KCNC2: variants seen among roughly 807,000 people sequenced by gnomAD.
KCNC2 encodes the protein potassium voltage-gated channel subfamily C member 2, also known as voltage-gated potassium channel KCNC2.
KCNC2 carries 21 observed loss-of-function variants against 44.5 expected under a neutral mutation model. The observed-to-expected ratio is 0.47, with a 90% CI of 0.33 to 0.68. The LOEUF (loss-of-function observed/expected upper bound fraction) is 0.68. Ranked by LOEUF, KCNC2 falls within the 30% of genes least tolerant of loss-of-function variation. KCNC2 has a pLI of 0.01. For missense variants in KCNC2, 589 were observed against 826.2 expected (o/e 0.71, Z 3.52); for synonymous variants, 391 against 339.1 (o/e 1.15, Z -1.68).
intron 4 of KCNC2, among the ~76,000 whole-genome samples, chr12:75,045,418 A>G (rs1444829066): frequency 2.0e-5 from 3 of 151,992 alleles, no homozygotes; most frequent in Non-Finnish European, 4.4e-5. Flanking sequence ...TGCCTATTTG[A>G]AAAGGCTTCC....
chr12:75,133,449 TG>T (rs759564933), intron 2 of KCNC2, among the ~76,000 whole-genome samples: 5 of 148,140 alleles, frequency 3.4e-5, no homozygotes, highest in Non-Finnish European at 6.0e-5. Context: ...ACTACAGAAC[TG>T]AAAAAAAAAA....
At chr12:75,126,356 A>G (rs1888424587) in intron 2 of KCNC2, among the ~76,000 whole-genome samples, 2 of 152,234 alleles carry the variant, frequency 1.3e-5, no homozygotes. Context: ...ATTCACGCAC[A>G]TATTTACTCA....
At chr12:75,055,607 T>A (rs1881656479) in intron 2 of KCNC2, among the ~76,000 whole-genome samples, 1 of 152,114 alleles carries the variant, frequency 6.6e-6, no homozygotes, top group Non-Finnish European at 1.5e-5. Flanking sequence ...ATCTGATGCA[T>A]CATCCCAGGT....
chr12:75,189,116 T>C (rs1352860095), intron 2 of KCNC2, among the ~76,000 whole-genome samples: 1 of 152,212 alleles, frequency 6.6e-6, no homozygotes, highest in East Asian at 1.9e-4. Flanking sequence ...TGAAAGTTAG[T>C]TGGTGCAGGC....
rs374648708 is a variant in KCNC2 at position 75,106,720 on chromosome 12, G to A, written c.688-55403C>T. On this transcript the variant is annotated intron_variant, in intron 2 of 4. Transcript: ENST00000549446. ...TTATTAATAGAGCATCAATTCTGTA[G>A]CAAGCATAAAGCCAGGGCTATTAAT... Among the ~76,000 whole-genome samples, 6 of 152,254 alleles carry A rather than the reference G, an allele frequency of 3.9e-5. No homozygotes were observed. In the East Asian group the frequency reaches 7.7e-4, roughly 20 times the overall value.
chr12:75,198,257 T>C (rs2030945722), intron 2 of KCNC2, among the ~76,000 whole-genome samples: 1 of 151,908 alleles, frequency 6.6e-6, no homozygotes. Flanking sequence ...ACACAAATGA[T>C]ACAAATATGA....
chr12:75,180,306 A>G (rs563125379), intron 2 of KCNC2, among the ~76,000 whole-genome samples: 1 of 151,906 alleles, frequency 6.6e-6, no homozygotes, highest in South Asian at 2.1e-4. Flanking sequence ...TAAGACCTCA[A>G]AAATGTTTGT....
chr12:75,042,360 C>A lies in KCNC2; in HGVS notation c.*745G>T. The stretch of plus-strand genomic sequence containing the variant: ...GCTTGCGTGTAACCAGTAATGACAA[C>A]CTCTTTGCAGTTATCTGTGTGCAAA... On this transcript the variant is annotated 3_prime_UTR_variant, in exon 5 of 5. Transcript: ENST00000549446. The A allele has an allele frequency of 6.2e-7, 1 of 1,612,032 alleles. No homozygotes were observed. Among genetic ancestry groups the A allele is most frequent in the Non-Finnish European group, 8.5e-7 (1 of 1,178,722 alleles).
intron 2 of KCNC2, among the ~76,000 whole-genome samples, chr12:75,197,641 A>G (rs2030889248): frequency 6.6e-6 from 1 of 152,036 alleles, no homozygotes; most frequent in African/African-American, 2.4e-5. Context: ...CCAACAGTTG[A>G]AATTCAATAG....
chr12:75,154,088 T>C (rs1468180680), intron 2 of KCNC2, among the ~76,000 whole-genome samples: 1 of 152,060 alleles, frequency 6.6e-6, no homozygotes, highest in Non-Finnish European at 1.5e-5. Context: ...ATATATCTCC[T>C]AATAAAATTT....
intron 2 of KCNC2, among the ~76,000 whole-genome samples, chr12:75,187,233 C>G (rs1305428749): frequency 6.6e-6 from 1 of 152,158 alleles, no homozygotes; most frequent in Non-Finnish European, 1.5e-5. Context: ...GTGTGTGACT[C>G]AGTACCCAAA....
chr12:75,040,828 G>C lies in KCNC2; in HGVS notation c.*2277C>G. The C allele has an allele frequency of 2.4e-6, 1 of 408,608 alleles. No homozygotes were observed. Among genetic ancestry groups the C allele is most frequent in the Non-Finnish European group, 4.5e-6 (1 of 222,024 alleles). The allele number at this position is 408,608 out of a possible 1,614,324, so 25.3% of individuals were successfully genotyped here. A position where few individuals can be genotyped will look rare whatever the true frequency, so the allele number is the denominator to read the frequency against. ...TAATTCACAGCACAACCTAATGTGG[G>C]CCCATGAAGAGTAATTCAAAGAAGT... is the stretch of plus-strand genomic sequence containing the variant. On this transcript the variant is annotated 3_prime_UTR_variant, in exon 5 of 5. Coordinates refer to ENST00000549446, the MANE Select transcript of KCNC2 (RefSeq NM_139137.4).
Position 75,136,187 on chromosome 12 carries a change from G to A in KCNC2, c.687+71110C>T, listed in dbSNP as rs186120371. Among the ~76,000 whole-genome samples, 466 of 151,794 alleles carry A rather than the reference G, an allele frequency of 3.1e-3. 4 individuals are homozygous for A. Among genetic ancestry groups the A allele is most frequent in the Middle Eastern group, 3.4e-3 (1 of 294 alleles). On this transcript the variant is annotated intron_variant, in intron 2 of 4. Coordinates refer to ENST00000549446, the MANE Select transcript of KCNC2 (RefSeq NM_139137.4). ...AACATCTGGGATGCCACAAAAGCAG[G>A]GCTAAGAGGGAACATTATAGCATTA...
chr12:75,090,538 G>A (rs558204328), intron 2 of KCNC2, among the ~76,000 whole-genome samples: 1 of 151,536 alleles, frequency 6.6e-6, no homozygotes. Context: ...AGGAATTTCA[G>A]GATCCTTTAC....
At chr12:75,044,630 T>C (rs764137627) in intron 4 of KCNC2, 3 of 151,964 alleles carry the variant, frequency 2.0e-5, no homozygotes, top group Non-Finnish European at 4.4e-5. Flanking sequence ...CAGTAACAGC[T>C]CTCTTACGGG....
chr12:75,138,929 G>A (rs1252589527), intron 2 of KCNC2, among the ~76,000 whole-genome samples: 3 of 144,856 alleles, frequency 2.1e-5, no homozygotes, highest in East Asian at 2.1e-4. Flanking sequence ...TGCAGTGAGC[G>A]GAGATCGCGC....
chr12:75,174,956 C>T (rs1456430380), intron 2 of KCNC2, among the ~76,000 whole-genome samples: 1 of 151,902 alleles, frequency 6.6e-6, no homozygotes, highest in Admixed American at 6.6e-5. Flanking sequence ...TTCCTCCAAG[C>T]TGGTGATAGC....
chr12:75,166,038 A>C (rs1402919097), intron 2 of KCNC2, among the ~76,000 whole-genome samples: 2 of 151,426 alleles, frequency 1.3e-5, no homozygotes, highest in African/African-American at 4.8e-5. Context: ...GAAGCAAAAA[A>C]GTTGAAAGTA....
chr12:75,051,186 C>G lies in KCNC2; in HGVS notation c.819G>C (p.Gln273His), dbSNP rs765605612. ...PVINGTSVVL[Q>H]YEIETDPALT... is the part of the protein sequence containing the mutation. ...AGGCAGGATCCGTTTCAATTTCATA[C>G]TGTAGAACAACACTTGTGCCATTGA... The change falls in exon 3 of 5, where the codon CAG becomes CAC. Residue 273 changes from glutamine (Q) to histidine (H), a missense_variant. Around this residue, in one of 7 missense-constraint regions of KCNC2, gnomAD observed 40 missense variants for 40.6 expected, o/e 0.99. Transcript: ENST00000549446. 6 of 1,613,628 alleles carry G rather than the reference C, an allele frequency of 3.7e-6. No homozygotes were observed. In the South Asian group the frequency reaches 6.6e-5, roughly 18 times the overall value.
Sources: allele counts gnomAD v4.1 joint callset (sites outside exome capture counted in the v4.1 genomes callset), GRCh38; gene constraint gnomAD v4.1.1; regional missense constraint gnomAD v4.1.1; transcripts MANE v1.5; gene names NCBI Gene and HGNC (gene_info 2026-07-23, HGNC 2026-07-21).